IL1RAPL1: variants seen among roughly 807,000 people sequenced by gnomAD.
IL1RAPL1 encodes the protein interleukin 1 receptor accessory protein like 1.
Under a neutral mutation model 48.4 loss-of-function variants are expected in IL1RAPL1, and 3 were observed. The ratio of observed to expected loss-of-function variants is 0.06; its 90% CI spans 0.03 to 0.16. IL1RAPL1 has a LOEUF of 0.16. IL1RAPL1 is among the 10% of genes least tolerant of loss of function. IL1RAPL1 has a pLI of 1.00. For missense variants in IL1RAPL1, 349 were observed against 530.6 expected (o/e 0.66, Z 3.36); for synonymous variants, 185 against 187.7 (o/e 0.99, Z 0.12).
At chrX:29,607,872 A>G (rs1923945859) in intron 5 of IL1RAPL1, among the ~76,000 whole-genome samples, 1 of 112,102 alleles carries the variant, frequency 8.9e-6, no homozygotes, top group African/African-American at 3.2e-5. Context: ...CAAAATTTCT[A>G]TCTCCAGTCT....
chrX:29,333,398 G>C (rs1410138384), intron 3 of IL1RAPL1, among the ~76,000 whole-genome samples: 5 of 102,468 alleles, frequency 4.9e-5, no homozygotes, highest in Non-Finnish European at 1.0e-4. Context: ...GGCTGGCCGG[G>C]CGGGGGGCTG....
intron 2 of IL1RAPL1, among the ~76,000 whole-genome samples, chrX:29,108,757 A>G (rs995354475): frequency 2.5e-4 from 28 of 111,495 alleles, no homozygotes; most frequent in African/African-American, 8.8e-4. Flanking sequence ...AGTAAATACA[A>G]ACATACAATT....
chrX:28,914,950 C>T (rs1923449936), intron 2 of IL1RAPL1, among the ~76,000 whole-genome samples: 1 of 112,106 alleles, frequency 8.9e-6, no homozygotes, highest in Non-Finnish European at 1.9e-5. Context: ...ACAGTGAAAA[C>T]TGTAGATCAG....
chrX:29,531,832 T>G (rs890640750), intron 5 of IL1RAPL1, among the ~76,000 whole-genome samples: 1 of 111,883 alleles, frequency 8.9e-6, no homozygotes, highest in Non-Finnish European at 1.9e-5. Context: ...GCCTTTATCT[T>G]CACATAGCAT....
In IL1RAPL1 at chrX:29,653,165, A is replaced by G. The variant is rs1198164056; in HGVS notation, c.704-15265A>G. On this transcript the variant is annotated intron_variant, in intron 5 of 10. Transcript: ENST00000378993. ...TATTTATACCTCTCAAAAATTTACC[A>G]AAGTCTTCATATCCATAGCACTGAT... 2.7e-5 allele frequency among the ~76,000 whole-genome samples: 3 copies of G among 112,085 alleles called. No homozygotes were observed. In the East Asian group the frequency reaches 8.4e-4, roughly 31 times the overall value.
At chrX:28,609,664 A>AC (rs1934124832) in intron 1 of IL1RAPL1, among the ~76,000 whole-genome samples, 1 of 70,650 alleles carries the variant, frequency 1.4e-5, no homozygotes, top group Non-Finnish European at 2.8e-5. Context: ...CACACACACA[A>AC]CATACCTACC....
intron 3 of IL1RAPL1, among the ~76,000 whole-genome samples, chrX:29,345,365 T>C (rs1338042767): frequency 8.9e-6 from 1 of 112,169 alleles, no homozygotes; most frequent in Non-Finnish European, 1.9e-5. Context: ...CATGTTGTTG[T>C]AATATGCATT....
chrX:29,332,739 A>G (rs1247069147), intron 3 of IL1RAPL1, among the ~76,000 whole-genome samples: 1 of 108,898 alleles, frequency 9.2e-6, no homozygotes, highest in Non-Finnish European at 1.9e-5. Flanking sequence ...AGGGAAGGTC[A>G]GCAGATAAAC....
rs758960787 is a variant in IL1RAPL1 at position 28,902,736 on chromosome X, T to TA, written c.82+113312dup. The stretch of plus-strand genomic sequence containing the variant: ...ACGTCGGGCCACAGACCAGTACCAG[T>TA]ATATGGCCTGTTAGGAACTGGGACA... On this transcript the variant is annotated intron_variant, in intron 2 of 10. Coordinates refer to ENST00000378993, the MANE Select transcript of IL1RAPL1 (RefSeq NM_014271.4). 8.1e-5 allele frequency among the ~76,000 whole-genome samples: 9 copies of TA among 111,556 alleles called. No homozygotes were observed. The East Asian group carries it at 2.6e-3, about 32-fold the overall frequency.
At chrX:28,976,596 A>T (rs946144722) in intron 2 of IL1RAPL1, among the ~76,000 whole-genome samples, 3 of 111,669 alleles carry the variant, frequency 2.7e-5, no homozygotes, top group Non-Finnish European at 5.6e-5. Context: ...GCAGTTTGTC[A>T]TTAAATCTGG....
intron 5 of IL1RAPL1, among the ~76,000 whole-genome samples, chrX:29,631,954 G>A (rs553033955): frequency 4.5e-5 from 5 of 111,492 alleles, no homozygotes; most frequent in African/African-American, 1.6e-4. Context: ...TGATCTTTCC[G>A]AGAAATTATA....
chrX:28,912,044 A>G lies in IL1RAPL1; in HGVS notation c.82+122619A>G, dbSNP rs142502956. Among the ~76,000 whole-genome samples the G allele has an allele frequency of 9.3e-3, 978 of 104,882 alleles. 14 individuals carry two copies. The highest frequency in any genetic ancestry group is 0.031 in the African/African-American group (893 of 28,742). 91.1% of individuals were successfully genotyped at this position (104,882 alleles called of 115,157 possible). A position where few individuals can be genotyped will look rare whatever the true frequency, so the allele number is the denominator to read the frequency against. ...CATACGAGATGGTAGCATTGGGAAAATATTCATGATACATTCCAAGGGAAG... is the reference window on the plus strand; with the variant it reads ...CATACGAGATGGTAGCATTGGGAAAGTATTCATGATACATTCCAAGGGAAG... On this transcript the variant is annotated intron_variant, in intron 2 of 10. Transcript: ENST00000378993.
intron 6 of IL1RAPL1, among the ~76,000 whole-genome samples, chrX:29,690,509 G>C (rs1190439135): frequency 1.8e-5 from 2 of 111,478 alleles, no homozygotes; most frequent in African/African-American, 6.5e-5. Flanking sequence ...TCAGCTGATA[G>C]ATTGTCTTCA....
intron 6 of IL1RAPL1, among the ~76,000 whole-genome samples, chrX:29,816,726 A>G (rs1930500907): frequency 1.8e-5 from 2 of 110,479 alleles, no homozygotes; most frequent in South Asian, 7.6e-4. Context: ...TTAATTCTCC[A>G]TGACCACTCT....
At chrX:28,844,725 A>C (rs1369285054) in intron 2 of IL1RAPL1, among the ~76,000 whole-genome samples, 1 of 111,497 alleles carries the variant, frequency 9.0e-6, no homozygotes, top group Non-Finnish European at 1.9e-5. Context: ...AAAGACAAGA[A>C]TCTCTTTAAT....
intron 2 of IL1RAPL1, among the ~76,000 whole-genome samples, chrX:29,085,667 G>A (rs759283900): frequency 6.3e-5 from 7 of 111,481 alleles, no homozygotes; most frequent in Non-Finnish European, 1.1e-4. Context: ...AATATCTACC[G>A]TAGCCAAATA....
At position 28,897,279 on chromosome X, in the gene IL1RAPL1, A is replaced by G. The variant is rs751182847; in HGVS notation, c.82+107854A>G. Among the ~76,000 whole-genome samples, 31 of 111,607 alleles carry G rather than the reference A, an allele frequency of 2.8e-4. 1 individual carries two copies. Among genetic ancestry groups the G allele is most frequent in the African/African-American group, 8.8e-4 (27 of 30,671 alleles). On this transcript the variant is annotated intron_variant, in intron 2 of 10. Transcript: ENST00000378993. ...GCCGCTAAGGGTGAAGGACCAAGGCAGGCGTCCCTGCGTGGCCAGAGACCT... is the reference window on the plus strand; with the variant it reads ...GCCGCTAAGGGTGAAGGACCAAGGCGGGCGTCCCTGCGTGGCCAGAGACCT...
intron 2 of IL1RAPL1, among the ~76,000 whole-genome samples, chrX:29,037,300 T>C (rs1428336181): frequency 8.9e-6 from 1 of 111,970 alleles, no homozygotes; most frequent in Admixed American, 9.5e-5. Context: ...TCTGAATTCC[T>C]AACAATGTCT....
chrX:29,233,918 C>T (rs1461304421), intron 2 of IL1RAPL1, among the ~76,000 whole-genome samples: 2 of 111,993 alleles, frequency 1.8e-5, no homozygotes, highest in African/African-American at 6.5e-5. Flanking sequence ...TAAGCGGGCC[C>T]ATGAGAGGGC....
Sources: allele counts gnomAD v4.1 joint callset (sites outside exome capture counted in the v4.1 genomes callset), GRCh38; gene constraint gnomAD v4.1.1; transcripts MANE v1.5; gene names NCBI Gene and HGNC (gene_info 2026-07-23, HGNC 2026-07-21).